The following PTPRT variants were observed in gnomAD, a reference collection of about 807,000 sequenced individuals.
PTPRT encodes the protein receptor-type tyrosine-protein phosphatase T.
In PTPRT, 56 loss-of-function variants were observed where a neutral mutation model predicts 176.8. The observed-to-expected ratio is 0.32, with a 90% CI of 0.26 to 0.40. The LOEUF is 0.40. Among genes scored for constraint, PTPRT ranks in the 10% least tolerant of loss-of-function variants. The pLI is 1.00. For synonymous variants in PTPRT, 783 were observed against 739.0 expected, an observed-to-expected ratio of 1.06 and a Z score of -0.96; for missense variants, 1,540 against 1,908.2, an observed-to-expected ratio of 0.81 and a Z score of 3.60.
intron 6 of PTPRT, among the ~76,000 whole-genome samples, chr20:42,711,868 G>T (rs1184185883): frequency 6.6e-6 from 1 of 151,758 alleles, no homozygotes; most frequent in African/African-American, 2.4e-5. Flanking sequence ...GCTGACAGAT[G>T]AAATCATTGG....
intron 7 of PTPRT, among the ~76,000 whole-genome samples, chr20:42,604,462 G>A (rs2073837414): frequency 6.6e-6 from 1 of 152,184 alleles, no homozygotes; most frequent in African/African-American, 2.4e-5. Context: ...GGCTCTTAAA[G>A]AAGAGAGTCC....
At chr20:42,226,016 C>T (rs1359299477) in intron 15 of PTPRT, among the ~76,000 whole-genome samples, 1 of 152,164 alleles carries the variant, frequency 6.6e-6, no homozygotes. Context: ...TTACTGGGCC[C>T]GTTAACCCAT....
chr20:42,855,851 A>G (rs983939385), intron 2 of PTPRT, among the ~76,000 whole-genome samples: 9 of 152,312 alleles, frequency 5.9e-5, no homozygotes, highest in Admixed American at 1.3e-4. Flanking sequence ...AGGTGTGAAT[A>G]TTCCACTTGG....
chr20:42,093,548 A>AG lies in PTPRT; in HGVS notation c.3846+4872_3846+4873insC, dbSNP rs372600222. Among the ~76,000 whole-genome samples, 687 of 152,350 alleles carry AG rather than the reference A, an allele frequency of 4.5e-3. 8 individuals are homozygous for AG. The highest frequency in any genetic ancestry group is 0.016 in the African/African-American group (645 of 41,578). Reference sequence around the variant, plus strand: ...AGATTTGGCCAGCAGTGCAAAAAAAATAAGGCCCTGTGAGAGCTTACACCC... The same window carrying AG: ...AGATTTGGCCAGCAGTGCAAAAAAAAGTAAGGCCCTGTGAGAGCTTACACCC... On this transcript the variant is annotated intron_variant, in intron 27 of 30. Transcript: ENST00000373187.
chr20:42,108,662 A>G (rs1261662459), intron 23 of PTPRT, among the ~76,000 whole-genome samples: 1 of 133,400 alleles, frequency 7.5e-6, no homozygotes, highest in Non-Finnish European at 1.6e-5. Flanking sequence ...AAAACAAACA[A>G]ACATTGTTCC....
rs1388644765 is a variant in PTPRT at position 42,095,256 on chromosome 20, C to T, written c.3846+3165G>A. Among the ~76,000 whole-genome samples, 4 of 152,320 alleles carry T rather than the reference C, an allele frequency of 2.6e-5. No homozygotes were observed. In the South Asian group the frequency reaches 6.2e-4, roughly 24 times the overall value. On this transcript the variant is annotated intron_variant, in intron 27 of 30. Transcript: ENST00000373187. ...AGAGGGATGCTTTTATTAAAAAAGG[C>T]AAATTATGTTGCTCCTCTGCTTCAA...
intron 9 of PTPRT, among the ~76,000 whole-genome samples, chr20:42,426,550 T>C (rs73121641): frequency 0.12 from 18,420 of 152,198 alleles, 1,131 homozygotes; most frequent in African/African-American, 0.15. Flanking sequence ...ACCCAGGTAC[T>C]AAGAGGACAC....
chr20:43,111,910 G>A (rs1019151528), intron 1 of PTPRT, among the ~76,000 whole-genome samples: 2 of 152,112 alleles, frequency 1.3e-5, no homozygotes, highest in South Asian at 2.1e-4. Flanking sequence ...TTTAAAAATT[G>A]AAAGCCCATT....
At chr20:42,618,822 G>A (rs1284030429) in intron 7 of PTPRT, among the ~76,000 whole-genome samples, 1 of 136,476 alleles carries the variant, frequency 7.3e-6, no homozygotes, top group Non-Finnish European at 1.5e-5. Flanking sequence ...TTTATTTTGA[G>A]CCTATGTGTG....
intron 6 of PTPRT, among the ~76,000 whole-genome samples, chr20:42,738,537 C>T (rs1420256831): frequency 2.0e-5 from 3 of 151,864 alleles, no homozygotes; most frequent in Middle Eastern, 6.3e-3. Context: ...ACATTCTTAC[C>T]ACTCTCTAAA....
chr20:42,810,180 G>A (rs1569168892), intron 2 of PTPRT, among the ~76,000 whole-genome samples: 1 of 152,092 alleles, frequency 6.6e-6, no homozygotes, highest in Non-Finnish European at 1.5e-5. Flanking sequence ...TGTAGTCCCA[G>A]CTACTCTGGA....
At chr20:42,971,543 T>A (rs1982638064) in intron 1 of PTPRT, 1 of 152,266 alleles carries the variant, frequency 6.6e-6, no homozygotes, top group Non-Finnish European at 1.5e-5. Flanking sequence ...CCATTTTTTT[T>A]TCATTCTGTG....
At chr20:42,560,637 G>A (rs2072937892) in intron 7 of PTPRT, among the ~76,000 whole-genome samples, 1 of 152,138 alleles carries the variant, frequency 6.6e-6, no homozygotes, top group South Asian at 2.1e-4. Flanking sequence ...AATGCTCTCT[G>A]CAAGTAGCTG....
intron 9 of PTPRT, among the ~76,000 whole-genome samples, chr20:42,362,893 G>A (rs2058449122): frequency 2.6e-5 from 4 of 151,850 alleles, no homozygotes. Flanking sequence ...ATCATCTGGG[G>A]TCAGGAGTTC....
In PTPRT at chr20:42,426,137, AG is replaced by A. The variant is rs542667958; in HGVS notation, c.1560+22082del. Among the ~76,000 whole-genome samples, 138 of 152,216 alleles carry A rather than the reference AG, an allele frequency of 9.1e-4. 1 individual carries two copies. The highest frequency in any genetic ancestry group is 1.6e-3 in the African/African-American group (67 of 41,544). ...TTCCCTGGCAAAACCCCCACCCTCAAGCCTGGAAACCCACAGCCCTAAATGG... is the reference window on the plus strand; with the variant it reads ...TTCCCTGGCAAAACCCCCACCCTCAACCTGGAAACCCACAGCCCTAAATGG... On this transcript the variant is annotated intron_variant, in intron 9 of 30. Coordinates refer to ENST00000373187, the MANE Select transcript of PTPRT (RefSeq NM_007050.6).
At chr20:42,288,208 C>T (rs1204858020) in intron 12 of PTPRT, among the ~76,000 whole-genome samples, 1 of 152,006 alleles carries the variant, frequency 6.6e-6, no homozygotes, top group Non-Finnish European at 1.5e-5. Context: ...AAACACTCAA[C>T]ATTGCCAGCA....
In PTPRT at chr20:43,061,889, A is replaced by G. The variant is rs373904709; in HGVS notation, c.88+127757T>C. On this transcript the variant is annotated intron_variant, in intron 1 of 30. Transcript: ENST00000373187. Reference sequence around the variant, plus strand: ...AGAACAACTCTTGCCTAACATACAAAGCAGGAGTTCAATTTAAAACATGAC... The same window carrying G: ...AGAACAACTCTTGCCTAACATACAAGGCAGGAGTTCAATTTAAAACATGAC... 3.8e-4 allele frequency among the ~76,000 whole-genome samples: 58 copies of G among 152,358 alleles called. 1 individual carries two copies. Among genetic ancestry groups the G allele is most frequent in the African/African-American group, 1.3e-3 (56 of 41,590 alleles).
intron 7 of PTPRT, among the ~76,000 whole-genome samples, chr20:42,636,290 C>A (rs570629804): frequency 2.6e-5 from 4 of 152,044 alleles, no homozygotes; most frequent in Non-Finnish European, 4.4e-5. Flanking sequence ...AATTCACACC[C>A]GTTACATACA....
intron 6 of PTPRT, among the ~76,000 whole-genome samples, chr20:42,717,285 C>T (rs1461257556): frequency 6.6e-6 from 1 of 151,474 alleles, no homozygotes; most frequent in East Asian, 1.9e-4. Flanking sequence ...GACAACAAGA[C>T]ATCAAAATAA....
Sources: gnomAD v4.1 joint callset for allele counts (sites outside exome capture counted in the v4.1 genomes callset) on GRCh38, gnomAD v4.1.1 for gene constraint, MANE v1.5 for transcripts, NCBI Gene and HGNC (gene_info 2026-07-23, HGNC 2026-07-21) for gene names.